ZNF429: variants seen among roughly 807,000 people sequenced by gnomAD.
ZNF429 encodes the protein zinc finger protein 429.
ZNF429 carries 53 observed loss-of-function variants against 56.8 expected under a neutral mutation model. The ratio of observed to expected loss-of-function variants is 0.93; its 90% confidence interval spans 0.75 to 1.17. ZNF429 has a LOEUF of 1.17. Ranked by LOEUF, ZNF429 falls within the 50% of genes most tolerant of loss-of-function variation. The pLI, the probability that ZNF429 is intolerant of heterozygous loss-of-function variation, is 0.00. For synonymous variants in ZNF429, 278 were observed against 264.7 expected (o/e 1.05, Z -0.49); for missense variants, 849 against 788.4 (o/e 1.08, Z -0.92).
chr19:21,524,442 C>G (rs187011570), intron 1 of ZNF429, among the ~76,000 whole-genome samples: 1 of 152,090 alleles, frequency 6.6e-6, no homozygotes, highest in African/African-American at 2.4e-5. Flanking sequence ...GCAGGAAAAT[C>G]GCTTGAACCT....
At chr19:21,527,703 C>CT (rs766249659) in intron 1 of ZNF429, among the ~76,000 whole-genome samples, 9 of 151,992 alleles carry the variant, frequency 5.9e-5, no homozygotes, top group Admixed American at 1.3e-4. Flanking sequence ...AATGGGTGGA[C>CT]TTTTTTTGCA....
At position 21,537,326 on chromosome 19, in the gene ZNF429, T is replaced by C; in HGVS notation, c.1273T>C (p.Tyr425His). 6.2e-7 allele frequency: 1 copy of C among 1,614,036 alleles called. No homozygotes were observed. The highest frequency in any genetic ancestry group is 1.1e-5 in the South Asian group (1 of 91,080). ...DKKIHTGEKP[Y>H]NCEECGKVFT... is the part of the protein sequence containing the mutation. ...GAAAATTCATACTGGAGAGAAACCC[T>C]ACAATTGTGAAGAATGTGGCAAAGT... The change falls in exon 4 of 4, where the codon TAC becomes CAC. Residue 425 changes from tyrosine (Y) to histidine (H), a missense_variant. Physicochemically the swap from Tyr to His is moderately conservative, Grantham distance 83. Transcript: ENST00000358491.
chr19:21,527,554 G>A (rs1367395438), intron 1 of ZNF429, among the ~76,000 whole-genome samples: 1 of 152,112 alleles, frequency 6.6e-6, no homozygotes, highest in African/African-American at 2.4e-5. Flanking sequence ...TAGGGACAGG[G>A]CAGTGCAGTC....
At chr19:21,526,783 G>C (rs1476881131) in intron 1 of ZNF429, among the ~76,000 whole-genome samples, 1 of 152,156 alleles carries the variant, frequency 6.6e-6, no homozygotes, top group Non-Finnish European at 1.5e-5. Context: ...CCACTTGGGG[G>C]TGTCTCTCAG....
intron 1 of ZNF429, among the ~76,000 whole-genome samples, chr19:21,511,358 G>A (rs1316765796): frequency 1.3e-5 from 2 of 151,598 alleles, no homozygotes; most frequent in Admixed American, 6.6e-5. Context: ...TCACTTCTCA[G>A]ACTGGGCGGC....
intron 1 of ZNF429, among the ~76,000 whole-genome samples, chr19:21,511,544 C>T (rs1357490838): frequency 6.6e-6 from 1 of 151,988 alleles, no homozygotes; most frequent in Non-Finnish European, 1.5e-5. Flanking sequence ...GCGCTCCTCA[C>T]TTCCTAGATG....
intron 1 of ZNF429, among the ~76,000 whole-genome samples, chr19:21,517,908 C>G (rs1407606156): frequency 2.0e-5 from 3 of 151,660 alleles, no homozygotes; most frequent in African/African-American, 7.3e-5. Flanking sequence ...ATTCACCTGC[C>G]TCTGCCTCCT....
intron 1 of ZNF429, among the ~76,000 whole-genome samples, chr19:21,522,648 G>T (rs2033022793): frequency 6.6e-6 from 1 of 152,184 alleles, no homozygotes; most frequent in Admixed American, 6.5e-5. Flanking sequence ...TCTAATCCCA[G>T]CACTTTGGGA....
At chr19:21,525,854 T>C (rs1360422077) in intron 1 of ZNF429, among the ~76,000 whole-genome samples, 3 of 150,190 alleles carry the variant, frequency 2.0e-5, no homozygotes, top group African/African-American at 4.9e-5. Flanking sequence ...TAAAAATCAA[T>C]GACAGAGAAA....
chr19:21,527,966 T>C (rs1385440858), intron 1 of ZNF429, among the ~76,000 whole-genome samples: 2 of 152,216 alleles, frequency 1.3e-5, no homozygotes, highest in Non-Finnish European at 2.9e-5. Context: ...ACTTCTCTAC[T>C]TGTATTTTTC....
At chr19:21,513,473 C>T (rs2032597286) in intron 1 of ZNF429, among the ~76,000 whole-genome samples, 1 of 152,048 alleles carries the variant, frequency 6.6e-6, no homozygotes, top group Admixed American at 6.6e-5. Flanking sequence ...TAGATGGGCC[C>T]ATGGGGTTTG....
chr19:21,508,626 C>G lies in ZNF429; in HGVS notation c.3+2852C>G, dbSNP rs150662541. ...TAAAAGAGGTGGGCTTCAGAAAAAT[C>G]TATCTTTTTTTTTTGTTAAAAATTC... On this transcript the variant is annotated intron_variant, in intron 1 of 3. Coordinates refer to ENST00000358491, the MANE Select transcript of ZNF429 (RefSeq NM_001001415.4). 2.2e-4 allele frequency among the ~76,000 whole-genome samples: 33 copies of G among 151,588 alleles called. No homozygotes were observed. In the East Asian group the frequency reaches 6.4e-3, roughly 29 times the overall value.
At chr19:21,514,576 C>T (rs955832645) in intron 1 of ZNF429, among the ~76,000 whole-genome samples, 2 of 151,292 alleles carry the variant, frequency 1.3e-5, no homozygotes, top group Admixed American at 6.6e-5. Flanking sequence ...ATATTTTATA[C>T]ACACACACAC....
intron 1 of ZNF429, among the ~76,000 whole-genome samples, chr19:21,526,590 T>C (rs1284761939): frequency 2.0e-5 from 3 of 152,218 alleles, no homozygotes; most frequent in African/African-American, 7.2e-5. Flanking sequence ...GTCTTTCCTC[T>C]TTGAACTATG....
chr19:21,528,856 C>G (rs188803496), intron 1 of ZNF429, among the ~76,000 whole-genome samples: 4 of 152,258 alleles, frequency 2.6e-5, no homozygotes, highest in African/African-American at 9.6e-5. Context: ...CTGTATGCAC[C>G]AGCACATCAT....
chr19:21,510,001 C>G (rs142635283), intron 1 of ZNF429, among the ~76,000 whole-genome samples: 1 of 151,812 alleles, frequency 6.6e-6, no homozygotes, highest in African/African-American at 2.4e-5. Context: ...CTCCACCTCC[C>G]GGGTTCAAGC....
At chr19:21,525,103 A>G (rs1316830600) in intron 1 of ZNF429, among the ~76,000 whole-genome samples, 2 of 152,176 alleles carry the variant, frequency 1.3e-5, no homozygotes, top group African/African-American at 4.8e-5. Flanking sequence ...CGTGTGTGCA[A>G]AAAAACTTGG....
Position 21,509,370 on chromosome 19 carries a change from A to T in ZNF429, c.3+3596A>T, listed in dbSNP as rs574363281. Among the ~76,000 whole-genome samples the T allele has an allele frequency of 2.0e-4, 30 of 152,290 alleles. 1 individual carries two copies. Among genetic ancestry groups the T allele is most frequent in the African/African-American group, 6.7e-4 (28 of 41,558 alleles). On this transcript the variant is annotated intron_variant, in intron 1 of 3. Coordinates refer to ENST00000358491, the MANE Select transcript of ZNF429 (RefSeq NM_001001415.4). The stretch of plus-strand genomic sequence containing the variant: ...AGGAATAGATACTTTTGCTTTTCTT[A>T]TTGAGGTATGAAATGTAAGCATTGT...
intron 1 of ZNF429, among the ~76,000 whole-genome samples, chr19:21,525,546 C>T (rs1181698405): frequency 6.6e-6 from 1 of 152,090 alleles, no homozygotes; most frequent in South Asian, 2.1e-4. Context: ...TAGAAGAGAT[C>T]AGAGTTTTGG....
Sources: allele counts gnomAD v4.1 joint callset (sites outside exome capture counted in the v4.1 genomes callset), GRCh38; gene constraint gnomAD v4.1.1; transcripts MANE v1.5; gene names NCBI Gene and HGNC (gene_info 2026-07-23, HGNC 2026-07-21).